Variants in CAMTA1 observed in about 807,000 individuals in gnomAD.
The protein encoded by CAMTA1 is calmodulin-binding transcription activator 1.
Under a neutral mutation model 170.9 loss-of-function variants are expected in CAMTA1, and 27 were observed. The observed-to-expected ratio is 0.16, with a 90% CI of 0.12 to 0.22. The LOEUF (loss-of-function observed/expected upper bound fraction) is 0.22, where lower values mean the gene tolerates loss of function less well. CAMTA1 is among the 10% of genes least tolerant of loss of function. The pLI, the probability that CAMTA1 is intolerant of heterozygous loss-of-function variation, is 1.00. For missense variants in CAMTA1, 1,619 were observed against 2,217.2 expected (o/e 0.73, Z 5.42); for synonymous variants, 833 against 891.5 (o/e 0.93, Z 1.17).
intron 6 of CAMTA1, among the ~76,000 whole-genome samples, chr1:7,469,516 C>T (rs1242393427): frequency 1.3e-5 from 2 of 152,236 alleles, no homozygotes; most frequent in African/African-American, 2.4e-5. Flanking sequence ...CCTTCCTGGG[C>T]CTCCAGCCCC....
intron 5 of CAMTA1, among the ~76,000 whole-genome samples, chr1:7,282,681 A>C (rs1013639781): frequency 6.6e-6 from 1 of 152,040 alleles, no homozygotes; most frequent in Non-Finnish European, 1.5e-5. Context: ...GCCAGAAAGG[A>C]GAGTTGGGGC....
chr1:7,727,213 C>A (rs1363125053), intron 11 of CAMTA1, among the ~76,000 whole-genome samples: 1 of 150,784 alleles, frequency 6.6e-6, no homozygotes, highest in Non-Finnish European at 1.5e-5. Context: ...AGCTCCGCCT[C>A]CTGGGTTCAC....
chr1:7,027,991 G>T (rs1702244647), intron 3 of CAMTA1, among the ~76,000 whole-genome samples: 1 of 150,574 alleles, frequency 6.6e-6, no homozygotes, highest in East Asian at 1.9e-4. Context: ...TGCAACCTCT[G>T]CCTCCCAGGT....
chr1:7,084,087 G>T (rs1446169920), intron 3 of CAMTA1, among the ~76,000 whole-genome samples: 1 of 151,720 alleles, frequency 6.6e-6, no homozygotes, highest in Non-Finnish European at 1.5e-5. Flanking sequence ...ATGTTTCTAT[G>T]TGCAAAATAT....
intron 3 of CAMTA1, among the ~76,000 whole-genome samples, chr1:7,089,677 C>T (rs1396211818): frequency 1.3e-5 from 2 of 152,002 alleles, no homozygotes; most frequent in African/African-American, 2.4e-5. Flanking sequence ...TCAGCGATAA[C>T]GTGTTCCTTA....
chr1:7,132,205 T>G (rs748001385), intron 4 of CAMTA1, among the ~76,000 whole-genome samples: 4 of 152,238 alleles, frequency 2.6e-5, no homozygotes, highest in Non-Finnish European at 4.4e-5. Context: ...AGGATTTTAA[T>G]TAGGATTGCT....
At chr1:7,189,155 A>G (rs1361318574) in intron 4 of CAMTA1, among the ~76,000 whole-genome samples, 2 of 152,204 alleles carry the variant, frequency 1.3e-5, no homozygotes, top group African/African-American at 4.8e-5. Flanking sequence ...TCCTGTGCAC[A>G]AAGTTGTACA....
chr1:7,666,286 G>C (rs934858558), intron 9 of CAMTA1, among the ~76,000 whole-genome samples: 2 of 152,052 alleles, frequency 1.3e-5, no homozygotes, highest in Non-Finnish European at 2.9e-5. Context: ...AAACTGAACA[G>C]GGCACAGCTT....
rs1210251678 is a variant in CAMTA1, at chr1:7,146,878, ACACT to A, written c.302+55510_302+55513del. On this transcript the variant is annotated intron_variant, in intron 4 of 22. Transcript: ENST00000303635. This position sits in a 1 kb window ranked among gnomAD's most constrained non-coding sequence, Gnocchi z 4.3. ...ACACAAAGACACAACATGTACACAG[ACACT>A]CAAACATATGCCGTGCATACACATA... is the stretch of plus-strand genomic sequence containing the variant. Among the ~76,000 whole-genome samples the A allele has an allele frequency of 6.6e-6, 1 of 152,064 alleles. No homozygotes were observed. The highest frequency in any genetic ancestry group is 2.4e-5 in the African/African-American group (1 of 41,374).
intron 3 of CAMTA1, among the ~76,000 whole-genome samples, chr1:7,046,804 C>T (rs763116495): frequency 3.9e-5 from 6 of 152,150 alleles, no homozygotes; most frequent in Non-Finnish European, 8.8e-5. Context: ...AATGCAAGTA[C>T]AGATAGTAGA....
chr1:7,292,377 T>C (rs1355783057), intron 5 of CAMTA1, among the ~76,000 whole-genome samples: 1 of 152,216 alleles, frequency 6.6e-6, no homozygotes, highest in East Asian at 1.9e-4. Context: ...AGCCACCTTG[T>C]ATTTCAGCTT....
chr1:7,284,268 A>T (rs963762365), intron 5 of CAMTA1, among the ~76,000 whole-genome samples: 4 of 150,126 alleles, frequency 2.7e-5, no homozygotes, highest in Non-Finnish European at 5.9e-5. Flanking sequence ...CAGTGGCGTA[A>T]TCTTGGCTCA....
At position 7,660,677 on chromosome 1, in the gene CAMTA1, G is replaced by C. The variant is rs764546888; in HGVS notation, c.665-1049G>C. Among the ~76,000 whole-genome samples the C allele has an allele frequency of 1.3e-5, 2 of 152,338 alleles. 1 individual carries two copies. Among genetic ancestry groups the C allele is most frequent in the South Asian group, 4.1e-4 (2 of 4,824 alleles). The stretch of plus-strand genomic sequence containing the variant: ...TGGGGCCAGTGCTGCGAGGGTTAGC[G>C]GCTGTCCCCCTGGAGCTGGTGGGAG... On this transcript the variant is annotated intron_variant, in intron 7 of 22. Transcript: ENST00000303635.
intron 11 of CAMTA1, among the ~76,000 whole-genome samples, chr1:7,723,284 C>T (rs916997324): frequency 2.6e-5 from 4 of 152,130 alleles, no homozygotes; most frequent in South Asian, 2.1e-4. Flanking sequence ...GATGAGGGCA[C>T]GTCAGAGGGG....
chr1:6,950,909 C>T (rs1447951850), intron 3 of CAMTA1, among the ~76,000 whole-genome samples: 1 of 152,172 alleles, frequency 6.6e-6, no homozygotes, highest in South Asian at 2.1e-4. Context: ...AGGTGTCCAG[C>T]GTGTGTTCTG....
chr1:7,362,001 A>T (rs2085572612), intron 5 of CAMTA1, among the ~76,000 whole-genome samples: 1 of 152,232 alleles, frequency 6.6e-6, no homozygotes, highest in Non-Finnish European at 1.5e-5. Flanking sequence ...GCCATAATCC[A>T]TACATATGTC....
chr1:7,218,068 A>G (rs578254003), intron 4 of CAMTA1, among the ~76,000 whole-genome samples: 3 of 152,234 alleles, frequency 2.0e-5, no homozygotes, highest in South Asian at 4.1e-4. Flanking sequence ...CTGATTTTTG[A>G]GGGTCTGCTT....
At chr1:7,078,022 A>T (rs1246016423) in intron 3 of CAMTA1, among the ~76,000 whole-genome samples, 1 of 152,164 alleles carries the variant, frequency 6.6e-6, no homozygotes, top group Non-Finnish European at 1.5e-5. Context: ...ACACACTCTG[A>T]TATAAATTCC....
intron 4 of CAMTA1, among the ~76,000 whole-genome samples, chr1:7,239,275 C>T (rs1002979099): frequency 6.6e-6 from 1 of 152,214 alleles, no homozygotes; most frequent in Non-Finnish European, 1.5e-5. Flanking sequence ...ATTACATACC[C>T]AGTCACTGTT....
Sources: gnomAD v4.1 joint callset for allele counts (sites outside exome capture counted in the v4.1 genomes callset) on GRCh38, gnomAD v4.1.1 for gene constraint, Gnocchi (gnomAD v3.1) non-coding constraint, MANE v1.5 for transcripts, NCBI Gene and HGNC (gene_info 2026-07-23, HGNC 2026-07-21) for gene names.